Variants in SPDYE5 observed in about 807,000 individuals in gnomAD.
The protein encoded by SPDYE5 is speedy protein E5.
A neutral mutation model predicts 48.5 loss-of-function variants in SPDYE5; 15 were observed. That is an observed-to-expected ratio of 0.31 (90% CI 0.21 to 0.48). SPDYE5 has a LOEUF of 0.48. Ranked by LOEUF, SPDYE5 falls within the 20% of genes least tolerant of loss-of-function variation. The probability of loss-of-function intolerance (pLI) is 0.99; values close to 1 mark genes in which losing one functional copy is unlikely to be tolerated. For missense variants in SPDYE5, 331 were observed against 549.1 expected, an observed-to-expected ratio of 0.60 and a Z score of 3.97; for synonymous variants, 116 against 200.7, an observed-to-expected ratio of 0.58 and a Z score of 3.57.
rs587682302 is a variant in SPDYE5 at position 75,493,611 on chromosome 7, T to G, written c.-421-16T>G. The G allele has an allele frequency of 2.7e-5, 34 of 1,257,722 alleles. 1 individual carries two copies. In the South Asian group the frequency reaches 1.1e-3, roughly 39 times the overall value. 77.9% of individuals were successfully genotyped at this position (1,257,722 alleles called of 1,614,324 possible). On this transcript the variant is annotated splice_polypyrimidine_tract_variant and intron_variant, in intron 1 of 8. Coordinates refer to ENST00000625065, the MANE Select transcript of SPDYE5 (RefSeq NM_001306141.4). ...TACCCTAGTTTTCTTTCCCACTCTG[T>G]TCCCTCTCCCACCAGACTGGACTCT...
chr7:75,503,108 T>C lies in SPDYE5; in HGVS notation c.*321T>C, dbSNP rs879954718. 11 of 504,674 alleles carry C rather than the reference T, an allele frequency of 2.2e-5. No individual in the cohort carries two copies. Among genetic ancestry groups the C allele is most frequent in the Admixed American group, 4.6e-5 (2 of 43,520 alleles). The allele number at this position is 504,674 out of a possible 1,614,324, so 31.3% of individuals were successfully genotyped here. A position where few individuals can be genotyped will look rare whatever the true frequency, so the allele number is the denominator to read the frequency against. On this transcript the variant is annotated 3_prime_UTR_variant, in exon 9 of 9. Transcript: ENST00000625065. Reference sequence around the variant, plus strand: ...CTGCAGCACCACCACCCTTTCTATATTGCTGAATTCCAACCTCCCTGGGGC... The same window carrying C: ...CTGCAGCACCACCACCCTTTCTATACTGCTGAATTCCAACCTCCCTGGGGC...
chr7:75,494,092 G>A lies in SPDYE5; in HGVS notation c.45G>A (p.Thr15=), dbSNP rs367896336. ...GGTTCCGTAAGAGGGGACAGATTAC[G>A]GAAAAGATCACGACCAGCCGTCAAC... The part of the protein sequence containing the change: ...ETRFRKRGQI[T]EKITTSRQPQ... Residue 15 remains threonine (T), a synonymous_variant, in exon 2 of 9, where the codon ACG becomes ACA. Transcript: ENST00000625065. The A allele has an allele frequency of 1.1e-4, 171 of 1,534,886 alleles. 1 individual carries two copies. In the East Asian group the frequency reaches 2.1e-3, roughly 19 times the overall value.
intron 5 of SPDYE5, among the ~76,000 whole-genome samples, chr7:75,498,966 C>T (rs1407881625): frequency 2.7e-5 from 4 of 146,388 alleles, no homozygotes; most frequent in South Asian, 2.3e-4. Flanking sequence ...TTACACCAGC[C>T]GACCTAGACA....
At chr7:75,494,610 G>A (rs587626390) in intron 2 of SPDYE5, among the ~76,000 whole-genome samples, 13 of 151,814 alleles carry the variant, frequency 8.6e-5, no homozygotes, top group African/African-American at 3.1e-4. Flanking sequence ...ATTCAGGCTG[G>A]GTGTGGTGGC....
chr7:75,501,752 G>C lies in SPDYE5; in HGVS notation c.1146G>C (p.Glu382Asp). 6.2e-7 allele frequency: 1 copy of C among 1,611,956 alleles called. No homozygotes were observed. Among genetic ancestry groups the C allele is most frequent in the Non-Finnish European group, 8.5e-7 (1 of 1,180,034 alleles). The change falls in exon 7 of 9, where the codon GAG (glutamate) becomes GAC (aspartate). Residue 382 changes from glutamate to aspartate, a missense_variant. Physicochemically the swap from Glu to Asp is conservative, Grantham distance 45. Around this residue, in one of 8 missense-constraint regions of SPDYE5, gnomAD observed 101 missense variants for 104.0 expected, o/e 0.97. Transcript: ENST00000625065. ...GRAWVSPEEL[E>D]EIQAYDPEHW... Reference sequence around the variant, plus strand: ...CTTGGGTTTCCCCGGAGGAGTTGGAGGAGGTAGGTGGGGCCTGGGGAGGTG... The same window carrying C: ...CTTGGGTTTCCCCGGAGGAGTTGGACGAGGTAGGTGGGGCCTGGGGAGGTG...
rs781808840 is a variant in SPDYE5 at position 75,501,417 on chromosome 7, C to T, written c.811C>T (p.His271Tyr). 86 of 1,612,708 alleles carry T rather than the reference C, an allele frequency of 5.3e-5. No individual in the cohort carries two copies. The highest frequency in any genetic ancestry group is 6.2e-5 in the Non-Finnish European group (73 of 1,180,020). Reference sequence around the variant, plus strand: ...CGAGGACTCCAAACAAAACATCTTCCACTTCCTGTATGGGAAGAACCGCTC... The same window carrying T: ...CGAGGACTCCAAACAAAACATCTTCTACTTCCTGTATGGGAAGAACCGCTC... ...DDEDSKQNIFHFLYGKNRSRI... is the reference protein window; with the variant it reads ...DDEDSKQNIFYFLYGKNRSRI... Residue 271 changes from histidine (H) to tyrosine (Y), a missense_variant, in exon 7 of 9, where the codon CAC becomes TAC. Physicochemically the swap from His to Tyr is moderately conservative, Grantham distance 83. Coordinates refer to ENST00000625065, the MANE Select transcript of SPDYE5 (RefSeq NM_001306141.4).
chr7:75,494,052 A>G lies in SPDYE5; in HGVS notation c.5A>G (p.Asp2Gly). The G allele has an allele frequency of 6.5e-7, 1 of 1,531,332 alleles. No homozygotes were observed. The highest frequency in any genetic ancestry group is 1.2e-5 in the South Asian group (1 of 83,776). 94.9% of individuals were successfully genotyped at this position (1,531,332 alleles called of 1,614,324 possible). Residue 2 changes from aspartate (D) to glycine (G), a missense_variant, in exon 2 of 9, where the codon GAC becomes GGC. By Grantham distance (94) the Asp-to-Gly change is moderately conservative (BLOSUM62 -1). Transcript: ENST00000625065. The stretch of plus-strand genomic sequence containing the variant: ...AGCAGTGATCAGAAGAAGGCCATGG[A>G]CAGAACGGAGACTAGGTTCCGTAAG... MDRTETRFRKRG... is the reference protein window; with the variant it reads MGRTETRFRKRG...
Position 75,492,407 on chromosome 7 carries a change from G to A in SPDYE5, c.-456G>A, listed in dbSNP as rs1418421409. On this transcript the variant is annotated 5_prime_UTR_variant, in exon 1 of 9. Transcript: ENST00000625065. Reference sequence around the variant, plus strand: ...GCGAGAGACTCCTAGGAAAGCAGCAGCCCATTAGGAAAACGTGTGGGAACT... The same window carrying A: ...GCGAGAGACTCCTAGGAAAGCAGCAACCCATTAGGAAAACGTGTGGGAACT... Among the ~76,000 whole-genome samples the A allele has an allele frequency of 1.3e-5, 2 of 152,092 alleles. No homozygotes were observed.
intron 2 of SPDYE5, among the ~76,000 whole-genome samples, chr7:75,494,423 T>G (rs1441396341): frequency 6.7e-6 from 1 of 149,548 alleles, no homozygotes; most frequent in East Asian, 2.0e-4. Flanking sequence ...GGTGCACACC[T>G]GTAATCCCAG....
At position 75,495,347 on chromosome 7, in the gene SPDYE5, C is replaced by T. The variant is rs1407229791; in HGVS notation, c.352C>T (p.His118Tyr). The change falls in exon 3 of 9, where the codon CAC (histidine) becomes TAC (tyrosine). Residue 118 changes from histidine (H) to tyrosine (Y), a missense_variant. Physicochemically the swap from His to Tyr is moderately conservative, Grantham distance 83 (BLOSUM62 2). Transcript: ENST00000625065. ...GCGAGTGTCACCCATCCTCCCTGAG[C>T]ACCACAAGGGCTTCAACAGTCAGCT... ...QQRVSPILPE[H>Y]HKGFNSQLAP... 4.4e-6 allele frequency: 7 copies of T among 1,597,428 alleles called. No homozygotes were observed. The highest frequency in any genetic ancestry group is 5.1e-6 in the Non-Finnish European group (6 of 1,179,834).
At chr7:75,502,473 C>G (rs587627836) in intron 8 of SPDYE5, among the ~76,000 whole-genome samples, 1 of 152,256 alleles carries the variant, frequency 6.6e-6, no homozygotes, top group East Asian at 1.9e-4. Flanking sequence ...ATTAGAAACA[C>G]ATCTAGCATG....
chr7:75,493,242 G>A (rs1792800860), intron 1 of SPDYE5, among the ~76,000 whole-genome samples: 1 of 151,426 alleles, frequency 6.6e-6, no homozygotes, highest in Admixed American at 6.6e-5. Flanking sequence ...CGAACTGGAG[G>A]GGCTGGCTTA....
At chr7:75,494,614 T>C (rs3973255) in intron 2 of SPDYE5, among the ~76,000 whole-genome samples, 4 of 149,192 alleles carry the variant, frequency 2.7e-5, no homozygotes, top group Admixed American at 2.7e-4. Flanking sequence ...AGGCTGGGTG[T>C]GGTGGCTTAC....
intron 5 of SPDYE5, among the ~76,000 whole-genome samples, 192 bp downstream of exon 5, chr7:75,498,188 A>C (rs587604938): frequency 7.2e-6 from 1 of 138,612 alleles, no homozygotes; most frequent in Non-Finnish European, 1.5e-5. Context: ...GCAGTGTCTC[A>C]ATCTTGACTC....
At position 75,496,622 on chromosome 7, in the gene SPDYE5, T is replaced by C; in HGVS notation, c.380-52T>C. 3.8e-6 allele frequency: 6 copies of C among 1,597,242 alleles called. No individual in the cohort carries two copies. In the South Asian group the frequency reaches 4.4e-5, roughly 12 times the overall value. Reference sequence around the variant, plus strand: ...TGGTTTGGGGTTTTGGGTTGGGCTCTAGTGTGATCAACTGCAGAAGCATTA... The same window carrying C: ...TGGTTTGGGGTTTTGGGTTGGGCTCCAGTGTGATCAACTGCAGAAGCATTA... On this transcript the variant is annotated intron_variant, in intron 3 of 8. Transcript: ENST00000625065.
intron 3 of SPDYE5, among the ~76,000 whole-genome samples, 187 bp downstream of exon 3, chr7:75,495,561 A>G (rs1353002383): frequency 1.3e-5 from 2 of 152,352 alleles, no homozygotes; most frequent in African/African-American, 4.8e-5. Context: ...TAGACTTGAT[A>G]AAGGTTGGCG....
At chr7:75,492,540 GT>G (rs1398367898) in intron 1 of SPDYE5, among the ~76,000 whole-genome samples, 99 bp downstream of exon 1, 3 of 152,034 alleles carry the variant, frequency 2.0e-5, no homozygotes, top group Non-Finnish European at 2.9e-5. Flanking sequence ...ATGAGTTCAA[GT>G]GATTCTCCAG....
intron 3 of SPDYE5, among the ~76,000 whole-genome samples, chr7:75,495,660 C>T (rs1584736956): frequency 6.6e-6 from 1 of 152,190 alleles, no homozygotes; most frequent in African/African-American, 2.4e-5. Context: ...AAGAGGATTG[C>T]TTGAACTCAG....
intron 3 of SPDYE5, among the ~76,000 whole-genome samples, chr7:75,495,996 T>G (rs1252308925): frequency 4.7e-5 from 7 of 149,952 alleles, no homozygotes; most frequent in Non-Finnish European, 7.4e-5. Context: ...CGCCACTGCA[T>G]TTTTTTGAGA....
Sources: allele counts gnomAD v4.1 joint callset (sites outside exome capture counted in the v4.1 genomes callset), GRCh38; gene constraint gnomAD v4.1.1; regional missense constraint gnomAD v4.1.1; transcripts MANE v1.5; gene names NCBI Gene and HGNC (gene_info 2026-07-23, HGNC 2026-07-21).